NUGGC: variants seen among roughly 807,000 people sequenced by gnomAD.
The protein encoded by NUGGC is nuclear GTPase, germinal center associated.
A neutral mutation model predicts 92.6 loss-of-function variants in NUGGC; 58 were observed. That is an observed-to-expected ratio of 0.63 (90% CI 0.51 to 0.78). The LOEUF is 0.78. Ranked by LOEUF, NUGGC falls within the 30% of genes least tolerant of loss-of-function variation. The pLI is 0.00. For missense variants in NUGGC, 925 were observed against 964.6 expected, an observed-to-expected ratio of 0.96 and a Z score of 0.54; for synonymous variants, 376 against 366.4, an observed-to-expected ratio of 1.03 and a Z score of -0.30.
At chr8:28,034,676 GC>G (rs1809510876) in intron 13 of NUGGC, among the ~76,000 whole-genome samples, 1 of 151,988 alleles carries the variant, frequency 6.6e-6, no homozygotes, top group South Asian at 2.1e-4. Flanking sequence ...AATTAGCCAG[GC>G]ATGGTGGCAC....
intron 18 of NUGGC, 32 bp downstream of exon 18, chr8:28,026,930 T>A (rs1488288658): frequency 6.9e-7 from 1 of 1,440,220 alleles, no homozygotes; most frequent in South Asian, 1.1e-5. Context: ...GTCTGCACAA[T>A]CACCCTGTAT....
intron 1 of NUGGC, among the ~76,000 whole-genome samples, chr8:28,080,128 G>A (rs1313374016): frequency 6.6e-6 from 1 of 152,084 alleles, no homozygotes; most frequent in African/African-American, 2.4e-5. Context: ...CTCTAGTAGA[G>A]ACAAGGTTTC....
chr8:28,049,213 T>C (rs1468693594), intron 10 of NUGGC, among the ~76,000 whole-genome samples: 1 of 152,174 alleles, frequency 6.6e-6, no homozygotes, highest in Non-Finnish European at 1.5e-5. Context: ...GGAATACGGA[T>C]ATCTGTGCAG....
chr8:28,064,051 C>T (rs1003877227), intron 7 of NUGGC, among the ~76,000 whole-genome samples: 2 of 152,242 alleles, frequency 1.3e-5, no homozygotes, highest in African/African-American at 4.8e-5. Context: ...CCTCCACGGA[C>T]CCCATGCTCC....
Position 28,058,776 on chromosome 8 carries a change from C to T in NUGGC, c.1098-500G>A, listed in dbSNP as rs368718708. On this transcript the variant is annotated intron_variant, in intron 8 of 18. Transcript: ENST00000413272. The stretch of plus-strand genomic sequence containing the variant: ...GGAGTGCAGTGGTACGATCTCAGCT[C>T]ACTGCAACCTCCACATTCCAGGTCC... Among the ~76,000 whole-genome samples, 8 of 151,824 alleles carry T rather than the reference C, an allele frequency of 5.3e-5. No individual in the cohort carries two copies. In the East Asian group the frequency reaches 1.5e-3, roughly 29 times the overall value.
chr8:28,082,267 G>A (rs1385799644), intron 1 of NUGGC, among the ~76,000 whole-genome samples: 1 of 152,242 alleles, frequency 6.6e-6, no homozygotes, highest in African/African-American at 2.4e-5. Context: ...CGTAGTAGAA[G>A]GGAGGCTTTA....
intron 6 of NUGGC, among the ~76,000 whole-genome samples, chr8:28,065,393 G>T (rs113501725): frequency 3.0e-4 from 45 of 152,192 alleles, no homozygotes; most frequent in African/African-American, 1.0e-3. Context: ...ATCTCCTGAC[G>T]TTGTGATCCG....
chr8:28,057,330 C>CTTTTTTTTTTTTTTTTTT (rs57167648), intron 9 of NUGGC, among the ~76,000 whole-genome samples: 4 of 124,024 alleles, frequency 3.2e-5, no homozygotes, highest in African/African-American at 9.3e-5. Context: ...ATTTTCTTTC[C>CTTTTTTTTTTTTTTTTTT]TTTTTTTTTT....
Position 28,022,909 on chromosome 8 carries a change from A to G in NUGGC, c.*408T>C, listed in dbSNP as rs1456591284. On this transcript the variant is annotated 3_prime_UTR_variant, in exon 19 of 19. Coordinates refer to ENST00000413272, the MANE Select transcript of NUGGC (RefSeq NM_001010906.2). ...AAGATGATGAAACCCCGTCTCTACT[A>G]AAAATATAAAAATTAACCGGGTGTG... 6.3e-6 allele frequency: 1 copy of G among 157,552 alleles called. No homozygotes were observed. The highest frequency in any genetic ancestry group is 2.4e-5 in the African/African-American group (1 of 41,464). The allele number at this position is 157,552 out of a possible 1,614,324, so 9.8% of individuals were successfully genotyped here.
At chr8:28,024,433 G>A (rs140105551) in intron 18 of NUGGC, among the ~76,000 whole-genome samples, 138 of 152,182 alleles carry the variant, frequency 9.1e-4, no homozygotes, top group African/African-American at 3.0e-3. Flanking sequence ...TCTTTCTGGA[G>A]TCTCTGTCCT....
chr8:28,049,960 G>T (rs1310363537), intron 10 of NUGGC, among the ~76,000 whole-genome samples: 1 of 152,032 alleles, frequency 6.6e-6, no homozygotes, highest in East Asian at 1.9e-4. Context: ...GGAGGCACAC[G>T]CCTGTAGTCC....
At chr8:28,069,681 A>C in intron 3 of NUGGC, 29 bp from the exon 4 acceptor site, 2 of 1,278,914 alleles carry the variant, frequency 1.6e-6, no homozygotes, top group Non-Finnish European at 2.3e-6. Context: ...TGTCACCTGC[A>C]GGTACCTGGC....
chr8:28,075,870 C>T (rs141793892), intron 1 of NUGGC, among the ~76,000 whole-genome samples: 1 of 152,306 alleles, frequency 6.6e-6, no homozygotes, highest in Non-Finnish European at 1.5e-5. Flanking sequence ...CCCTCTGCAG[C>T]CCATTTTCAG....
At chr8:28,024,169 C>A (rs1421779295) in intron 18 of NUGGC, among the ~76,000 whole-genome samples, 1 of 151,856 alleles carries the variant, frequency 6.6e-6, no homozygotes, top group Non-Finnish European at 1.5e-5. Context: ...TACAGGCACC[C>A]ACCACCTCGC....
At chr8:28,083,125 C>T (rs1810889675) in intron 1 of NUGGC, among the ~76,000 whole-genome samples, 1 of 152,144 alleles carries the variant, frequency 6.6e-6, no homozygotes, top group Non-Finnish European at 1.5e-5. Context: ...CAGCTTCTTT[C>T]CAAAGAGAAC....
At chr8:28,026,632 C>T (rs560162198) in intron 18 of NUGGC, among the ~76,000 whole-genome samples, 2 of 152,288 alleles carry the variant, frequency 1.3e-5, no homozygotes, top group East Asian at 3.9e-4. Context: ...TCTATTTCTG[C>T]ATCTGCAAAA....
intron 14 of NUGGC, 91 bp from the exon 15 acceptor site, chr8:28,031,472 T>A: frequency 8.1e-7 from 1 of 1,231,400 alleles, no homozygotes; most frequent in Non-Finnish European, 1.2e-6. Flanking sequence ...CTTTTATTCA[T>A]TTAAGAGAAG....
At chr8:28,050,925 G>T (rs1809983920) in intron 10 of NUGGC, among the ~76,000 whole-genome samples, 3 of 151,870 alleles carry the variant, frequency 2.0e-5, no homozygotes, top group South Asian at 4.2e-4. Flanking sequence ...AAATTATGTT[G>T]CAGTGATGTC....
At position 28,026,033 on chromosome 8, in the gene NUGGC, A is replaced by G. The variant is rs1003736101; in HGVS notation, c.2245+929T>C. 5.9e-5 allele frequency among the ~76,000 whole-genome samples: 9 copies of G among 152,126 alleles called. No homozygotes were observed. In the East Asian group the frequency reaches 9.6e-4, roughly 16 times the overall value. ...CCCCTCTCACAAATGGCAACATACC[A>G]TATACATTTACTCACTTTGCTGTTT... On this transcript the variant is annotated intron_variant, in intron 18 of 18. Transcript: ENST00000413272.
Sources: allele counts gnomAD v4.1 joint callset (sites outside exome capture counted in the v4.1 genomes callset), GRCh38; gene constraint gnomAD v4.1.1; transcripts MANE v1.5; gene names NCBI Gene and HGNC (gene_info 2026-07-23, HGNC 2026-07-21).